Variants in TEX11 observed in about 807,000 individuals in gnomAD.
TEX11 encodes the protein testis expressed 11, also known as testis-expressed protein 11.
A neutral mutation model predicts 84.4 loss-of-function variants in TEX11; 7 were observed. That is an observed-to-expected ratio of 0.08 (90% CI 0.05 to 0.16). The LOEUF (loss-of-function observed/expected upper bound fraction) is 0.16, where lower values mean the gene tolerates loss of function less well. TEX11 is among the 10% of genes least tolerant of loss of function. TEX11 has a pLI of 1.00. For missense variants in TEX11, 551 were observed against 660.5 expected (o/e 0.83, Z 1.82); for synonymous variants, 264 against 222.8 (o/e 1.18, Z -1.64).
intron 25 of TEX11, among the ~76,000 whole-genome samples, chrX:70,584,801 T>C (rs752147093): frequency 8.9e-6 from 1 of 112,042 alleles, no homozygotes; most frequent in Non-Finnish European, 1.9e-5. Flanking sequence ...GTCATATTCA[T>C]TGATGCAGAA....
intron 7 of TEX11, among the ~76,000 whole-genome samples, chrX:70,835,121 G>A (rs1226901877): frequency 9.0e-6 from 1 of 111,120 alleles, no homozygotes; most frequent in East Asian, 2.8e-4. Flanking sequence ...TAATATTCCT[G>A]TCTACACTAT....
intron 8 of TEX11, among the ~76,000 whole-genome samples, chrX:70,828,220 T>C (rs2091357546): frequency 9.0e-6 from 1 of 110,782 alleles, no homozygotes; most frequent in Non-Finnish European, 1.9e-5. Flanking sequence ...CAGGAAAACA[T>C]GACTTCACCA....
intron 13 of TEX11, among the ~76,000 whole-genome samples, chrX:70,713,186 G>T (rs1377154670): frequency 9.0e-6 from 1 of 111,515 alleles, no homozygotes; most frequent in Non-Finnish European, 1.9e-5. Flanking sequence ...TGCTGGATTC[G>T]GTTTGCCAGT....
intron 25 of TEX11, among the ~76,000 whole-genome samples, chrX:70,556,629 A>G (rs1442003837): frequency 9.0e-6 from 1 of 111,659 alleles, no homozygotes; most frequent in Non-Finnish European, 1.9e-5. Flanking sequence ...TCTAAATGTC[A>G]ATTAGGTCAA....
intron 4 of TEX11, among the ~76,000 whole-genome samples, chrX:70,861,581 C>G (rs1406102608): frequency 9.1e-6 from 1 of 110,247 alleles, no homozygotes. Flanking sequence ...ATTCCCCTGC[C>G]TCAGCCTCCC....
At chrX:70,771,990 T>G (rs1434347051) in intron 9 of TEX11, among the ~76,000 whole-genome samples, 1 of 111,872 alleles carries the variant, frequency 8.9e-6, no homozygotes, top group Non-Finnish European at 1.9e-5. Context: ...TCAGTCCTCA[T>G]GGCACGAAGC....
intron 11 of TEX11, among the ~76,000 whole-genome samples, chrX:70,725,564 A>G (rs764819831): frequency 8.9e-6 from 1 of 112,200 alleles, no homozygotes; most frequent in East Asian, 2.8e-4. Flanking sequence ...ACATGTAAAT[A>G]TTTCCAATGA....
chrX:70,861,251 CGG>C (rs1445942446), intron 4 of TEX11, among the ~76,000 whole-genome samples: 1 of 105,064 alleles, frequency 9.5e-6, no homozygotes, highest in African/African-American at 3.5e-5. Flanking sequence ...TTAGTAGAGA[CGG>C]GGTTTCACCG....
At chrX:70,651,317 T>C (rs2089807850) in intron 17 of TEX11, 133 bp downstream of exon 17, 1 of 404,372 alleles carries the variant, frequency 2.5e-6, no homozygotes, top group East Asian at 4.6e-5. Flanking sequence ...TTGTATCACC[T>C]TTACATAGGA....
chrX:70,704,851 T>C (rs1379921517), intron 13 of TEX11, among the ~76,000 whole-genome samples: 2 of 111,986 alleles, frequency 1.8e-5, no homozygotes, highest in African/African-American at 6.5e-5. Context: ...ATAGGTCCTT[T>C]AGACATGAAG....
intron 9 of TEX11, among the ~76,000 whole-genome samples, chrX:70,752,660 T>G (rs1357861950): frequency 1.8e-5 from 2 of 109,559 alleles, no homozygotes; most frequent in African/African-American, 6.7e-5. Context: ...GATGATGGAA[T>G]AGAAGGCTCC....
At chrX:70,757,426 G>T (rs1342111996) in intron 9 of TEX11, among the ~76,000 whole-genome samples, 1 of 111,951 alleles carries the variant, frequency 8.9e-6, no homozygotes, top group African/African-American at 3.3e-5. Flanking sequence ...GGATCTCTCA[G>T]CACAAACCCT....
intron 11 of TEX11, among the ~76,000 whole-genome samples, chrX:70,729,344 G>C (rs1379453210): frequency 1.8e-5 from 2 of 112,044 alleles, no homozygotes; most frequent in Non-Finnish European, 3.8e-5. Context: ...GAAGGCTTCA[G>C]ACGATTAAAC....
chrX:70,626,382 C>T (rs1225623752), intron 18 of TEX11, among the ~76,000 whole-genome samples: 1 of 109,798 alleles, frequency 9.1e-6, no homozygotes, highest in Non-Finnish European at 1.9e-5. Context: ...AGTTCTCCAC[C>T]CCAGCTCTTA....
At chrX:70,629,514 A>T in intron 18 of TEX11, 97 bp downstream of exon 18, 1 of 1,006,591 alleles carries the variant, frequency 9.9e-7, no homozygotes. Context: ...AACAAACAGT[A>T]AAGGTCTCTT....
chrX:70,648,563 A>G (rs1445508513), intron 17 of TEX11, among the ~76,000 whole-genome samples: 1 of 111,322 alleles, frequency 9.0e-6, no homozygotes, highest in African/African-American at 3.3e-5. Context: ...ATAATAAAAC[A>G]AAGTACCCTA....
intron 28 of TEX11, among the ~76,000 whole-genome samples, chrX:70,533,673 G>C (rs1184207774): frequency 1.7e-4 from 19 of 111,522 alleles, no homozygotes; most frequent in Non-Finnish European, 3.2e-4. Context: ...GTGAGGGAAA[G>C]AGTGGCTCAA....
intron 13 of TEX11, among the ~76,000 whole-genome samples, chrX:70,696,376 C>G (rs1215934852): frequency 9.0e-6 from 1 of 111,676 alleles, no homozygotes; most frequent in African/African-American, 3.3e-5. Flanking sequence ...ATTCTGACTT[C>G]CTCCACACTG....
At chrX:70,806,832 A>T (rs1453874664) in intron 8 of TEX11, 42 bp from the exon 9 acceptor site, 1 of 997,514 alleles carries the variant, frequency 1.0e-6, no homozygotes, top group East Asian at 3.3e-5. Flanking sequence ...GATTTCCTTA[A>T]ATCCCAACAC....
Sources: allele counts gnomAD v4.1 joint callset (sites outside exome capture counted in the v4.1 genomes callset), GRCh38; gene constraint gnomAD v4.1.1; transcripts MANE v1.5; gene names NCBI Gene and HGNC (gene_info 2026-07-23, HGNC 2026-07-21).